Variants in PLCD4 observed in about 807,000 individuals in gnomAD.
The protein encoded by PLCD4 is phospholipase C delta 4, also known as 1-phosphatidylinositol 4,5-bisphosphate phosphodiesterase delta-4.
Under a neutral mutation model 90.2 loss-of-function variants are expected in PLCD4, and 63 were observed. The ratio of observed to expected loss-of-function variants is 0.70; its 90% CI spans 0.57 to 0.86. The LOEUF (loss-of-function observed/expected upper bound fraction) is 0.86. Among genes scored for constraint, PLCD4 ranks in the 40% least tolerant of loss-of-function variants. The probability of loss-of-function intolerance (pLI) is 0.00; values close to 1 mark genes in which losing one functional copy is unlikely to be tolerated. For synonymous variants in PLCD4, 294 were observed against 356.5 expected, an observed-to-expected ratio of 0.82 and a Z score of 1.97; for missense variants, 830 against 956.3, an observed-to-expected ratio of 0.87 and a Z score of 1.74.
At chr2:218,611,092 CT>C (rs1254223539) in intron 1 of PLCD4, among the ~76,000 whole-genome samples, 4 of 152,254 alleles carry the variant, frequency 2.6e-5, no homozygotes, top group African/African-American at 9.6e-5. Context: ...ATTCTTTTTA[CT>C]TCACCTAACC....
At chr2:218,628,286 G>C in intron 7 of PLCD4, 56 bp downstream of exon 7, 1 of 1,538,398 alleles carries the variant, frequency 6.5e-7, no homozygotes, top group Non-Finnish European at 9.0e-7. Flanking sequence ...GTAGAAAAGT[G>C]AGGGGAGCTG....
chr2:218,628,535 A>G (rs1020588808), intron 7 of PLCD4: 5 of 274,584 alleles, frequency 1.8e-5, no homozygotes, highest in African/African-American at 1.1e-4. Flanking sequence ...AGAGAATAGG[A>G]GTTAAAAATA....
In PLCD4 at chr2:218,636,537, A is replaced by C; in HGVS notation, c.2249A>C (p.Tyr750Ser). Residue 750 changes from tyrosine to serine, a missense_variant, in exon 16 of 16, where the codon TAT becomes TCT. By Grantham distance (144) the Tyr-to-Ser change is moderately radical. Coordinates refer to ENST00000450993, the MANE Select transcript of PLCD4 (RefSeq NM_032726.4). ...ISLRPASIFV[Y>S]ICIQEGLEGD... is the part of the protein sequence containing the mutation. ...CTCCGCCCAGCTTCCATCTTTGTGT[A>C]TATCTGCATCCAGGAAGGCCTGGAG... The C allele has an allele frequency of 6.2e-7, 1 of 1,613,970 alleles. No individual in the cohort carries two copies. Among genetic ancestry groups the C allele is most frequent in the Non-Finnish European group, 8.5e-7 (1 of 1,179,872 alleles).
intron 4 of PLCD4, among the ~76,000 whole-genome samples, chr2:218,621,266 G>A (rs1192335554): frequency 3.3e-5 from 5 of 152,196 alleles, no homozygotes; most frequent in African/African-American, 9.7e-5. Flanking sequence ...CAACAGGGAG[G>A]TCCCTGCAGG....
chr2:218,618,567 C>T lies in PLCD4; in HGVS notation c.182-12C>T, dbSNP rs114593999. Reference sequence around the variant, plus strand: ...CCTTCCTTAATGCCTCCACCTGTTTCTTCTCTGGCAGTCTCAATCTCTGAT... The same window carrying T: ...CCTTCCTTAATGCCTCCACCTGTTTTTTCTCTGGCAGTCTCAATCTCTGAT... On this transcript the variant is annotated splice_polypyrimidine_tract_variant and intron_variant, in intron 3 of 15. Transcript: ENST00000450993. 2 of 1,612,176 alleles carry T rather than the reference C, an allele frequency of 1.2e-6. No individual in the cohort carries two copies. The highest frequency in any genetic ancestry group is 4.5e-5 in the East Asian group (2 of 44,878).
rs896614237 is a variant in PLCD4, at chr2:218,611,652, G to T, written c.-34+3582G>T. ...CTCACTCCGTCACCCAGGCTGGAGT[G>T]TAATGGTGCAATCTCGGCTCACTGC... On this transcript the variant is annotated intron_variant, in intron 1 of 15. Transcript: ENST00000450993. Among the ~76,000 whole-genome samples, 7 of 152,310 alleles carry T rather than the reference G, an allele frequency of 4.6e-5. No individual in the cohort carries two copies. In the Middle Eastern group the frequency reaches 0.01, roughly 222 times the overall value.
intron 11 of PLCD4, 164 bp from the exon 12 acceptor site, chr2:218,633,941 G>T (rs963375470): frequency 8.3e-7 from 1 of 1,208,830 alleles, no homozygotes; most frequent in African/African-American, 1.5e-5. Flanking sequence ...GGGTCTAGGG[G>T]CAGGAAAGCT....
chr2:218,632,399 A>T, intron 10 of PLCD4, 87 bp downstream of exon 10: 1 of 1,355,142 alleles, frequency 7.4e-7, no homozygotes, highest in Non-Finnish European at 9.8e-7. Flanking sequence ...GCCGTGCAAG[A>T]TGCAGGGCCA....
chr2:218,628,848 A>T (rs1001655748), intron 7 of PLCD4: 12 of 153,714 alleles, frequency 7.8e-5, no homozygotes, highest in African/African-American at 2.9e-4. Flanking sequence ...TTTCCACCTT[A>T]GGAAGTCTAG....
intron 4 of PLCD4, among the ~76,000 whole-genome samples, chr2:218,619,397 G>A (rs1695771768): frequency 6.6e-6 from 1 of 151,846 alleles, no homozygotes; most frequent in African/African-American, 2.4e-5. Flanking sequence ...AGGTTCCAGC[G>A]ATTCTCCTGC....
chr2:218,633,280 T>C (rs1696492515), intron 10 of PLCD4: 3 of 643,410 alleles, frequency 4.7e-6, no homozygotes, highest in African/African-American at 3.6e-5. Flanking sequence ...ATAATAAATT[T>C]AAAACCTGTC....
chr2:218,630,889 C>G, intron 9 of PLCD4, 87 bp downstream of exon 9: 1 of 1,387,212 alleles, frequency 7.2e-7, no homozygotes, highest in Non-Finnish European at 9.6e-7. Flanking sequence ...CCTCTTTGTT[C>G]CCTTCTTTCT....
Position 218,626,982 on chromosome 2 carries a change from G to A in PLCD4, c.773-1047G>A, listed in dbSNP as rs547896499. Among the ~76,000 whole-genome samples, 55 of 152,248 alleles carry A rather than the reference G, an allele frequency of 3.6e-4. No individual in the cohort carries two copies. In the East Asian group the frequency reaches 0.01, roughly 28 times the overall value. On this transcript the variant is annotated intron_variant, in intron 6 of 15. Coordinates refer to ENST00000450993, the MANE Select transcript of PLCD4 (RefSeq NM_032726.4). Reference sequence around the variant, plus strand: ...AAATTAAATTAACTAGGTCGGGCACGGTGGCTCACGCCTGTAATCCCTGCA... The same window carrying A: ...AAATTAAATTAACTAGGTCGGGCACAGTGGCTCACGCCTGTAATCCCTGCA...
In PLCD4 at chr2:218,633,515, G is replaced by A. The variant is rs1484586498; in HGVS notation, c.1450-90G>A. 2.8e-6 allele frequency: 4 copies of A among 1,447,210 alleles called. No homozygotes were observed. The African/African-American group carries it at 4.2e-5, about 15-fold the overall frequency. The allele number at this position is 1,447,210 out of a possible 1,614,324, so 89.6% of individuals were successfully genotyped here. A position where few individuals can be genotyped will look rare whatever the true frequency, so the allele number is the denominator to read the frequency against. On this transcript the variant is annotated intron_variant, in intron 10 of 15. Coordinates refer to ENST00000450993, the MANE Select transcript of PLCD4 (RefSeq NM_032726.4). ...GGAGGGAGAATACAGTGGGGAGGCA[G>A]TGGGCAGAGGTTTAGGTTGGATGGC...
At chr2:218,616,956 AGAG>A (rs1695633688) in intron 3 of PLCD4, among the ~76,000 whole-genome samples, 1 of 85,530 alleles carries the variant, frequency 1.2e-5, no homozygotes, top group African/African-American at 4.7e-5. Context: ...AGAGAGAGAG[AGAG>A]AGAGAGAGAG....
In PLCD4 at chr2:218,635,799, A is replaced by T. The variant is rs1417410213; in HGVS notation, c.1900A>T (p.Ile634Phe). ...GATTCCAGAGCCCTGACTACAGGTG[A>T]TCAGCGGTCAGCAACTCCCCAAAGT... ...FKAQTLLIQV[I>F]SGQQLPKVDK... The change falls in exon 14 of 16, where the codon ATC (isoleucine) becomes TTC (phenylalanine). Residue 634 changes from isoleucine to phenylalanine, a missense_variant. Transcript: ENST00000450993. The T allele has an allele frequency of 1.9e-6, 3 of 1,611,890 alleles. No homozygotes were observed. Among genetic ancestry groups the T allele is most frequent in the South Asian group, 1.1e-5 (1 of 90,540 alleles).
At chr2:218,630,921 C>T (rs2106155027) in intron 9 of PLCD4, 119 bp downstream of exon 9, 1 of 1,111,596 alleles carries the variant, frequency 9.0e-7, no homozygotes, top group African/African-American at 1.6e-5. Flanking sequence ...GACCATCTTG[C>T]TCTTTAATGT....
chr2:218,629,011 T>G (rs114205197), intron 7 of PLCD4: 1 of 154,316 alleles, frequency 6.5e-6, no homozygotes, highest in Non-Finnish European at 1.4e-5. Context: ...AGCCCAAGAG[T>G]TCGAGACCAG....
Position 218,628,275 on chromosome 2 carries a change from T to G in PLCD4, c.974+45T>G, listed in dbSNP as rs1390096055. ...GGGGTCCAACTCATGAGAGGGACCA[T>G]GTAGAAAAGTGAGGGGAGCTGTCAG... On this transcript the variant is annotated intron_variant, in intron 7 of 15. Transcript: ENST00000450993. 8 of 1,565,458 alleles carry G rather than the reference T, an allele frequency of 5.1e-6. No homozygotes were observed. The Admixed American group carries it at 1.3e-4, about 26-fold the overall frequency.
Sources: allele counts gnomAD v4.1 joint callset (sites outside exome capture counted in the v4.1 genomes callset), GRCh38; gene constraint gnomAD v4.1.1; transcripts MANE v1.5; gene names NCBI Gene and HGNC (gene_info 2026-07-23, HGNC 2026-07-21).